DUSP22: variants seen among roughly 807,000 people sequenced by gnomAD.
DUSP22 encodes the protein dual specificity protein phosphatase 22.
A neutral mutation model predicts 24.5 loss-of-function variants in DUSP22; 24 were observed. The ratio of observed to expected loss-of-function variants is 0.98; its 90% CI spans 0.71 to 1.38. The LOEUF is 1.38. Ranked by LOEUF, DUSP22 falls within the 40% of genes most tolerant of loss-of-function variation. DUSP22 has a pLI of 0.00. For synonymous variants in DUSP22, 160 were observed against 106.4 expected, an observed-to-expected ratio of 1.50 and a Z score of -3.10; for missense variants, 330 against 269.2, an observed-to-expected ratio of 1.23 and a Z score of -1.58.
intron 4 of DUSP22, among the ~76,000 whole-genome samples, chr6:342,954 A>G (rs968141855): frequency 8.5e-5 from 13 of 152,418 alleles, no homozygotes; most frequent in African/African-American, 3.1e-4. Flanking sequence ...AGTTGTGCTG[A>G]AGGTGTGGGG....
At chr6:297,396 G>A (rs1181283784) in intron 1 of DUSP22, among the ~76,000 whole-genome samples, 3 of 152,306 alleles carry the variant, frequency 2.0e-5, no homozygotes, top group African/African-American at 7.2e-5. Flanking sequence ...TTTGAGGATG[G>A]CTCTTGCCCT....
Position 348,204 on chromosome 6 carries a change from G to A in DUSP22, c.365G>A (p.Arg122Lys), listed in dbSNP as rs749686789. The change falls in exon 6 of 7, where the codon AGA (arginine) becomes AAA (lysine). Residue 122 changes from arginine to lysine, a missense_variant. Arg to Lys is a conservative substitution (Grantham distance 26, BLOSUM62 2). Coordinates refer to ENST00000419235, the MANE Select transcript of DUSP22 (RefSeq NM_001286555.3). ...GCCCTGCACACCGTGCGTGCTGGGA[G>A]ATCCTGTGCCAACCCCAACGTGGGC... The part of the protein sequence containing the change: ...EDALHTVRAG[R>K]SCANPNVGFQ... 6.2e-7 allele frequency: 1 copy of A among 1,614,314 alleles called. No individual in the cohort carries two copies. Among genetic ancestry groups the A allele is most frequent in the Non-Finnish European group, 8.5e-7 (1 of 1,180,060 alleles).
intron 4 of DUSP22, among the ~76,000 whole-genome samples, chr6:343,658 T>TGTGTGCATGTTTGCGTGTGCATGTTTGC (rs11267680): frequency 0.032 from 4,496 of 138,664 alleles, no homozygotes; most frequent in East Asian, 0.059. Flanking sequence ...GCAGAACATG[T>TGTGTGCATGTTTGCGTGTGCATGTTTGC]GTGTGCATGT....
chr6:317,459 C>G (rs1026791683), intron 3 of DUSP22, among the ~76,000 whole-genome samples: 16 of 152,416 alleles, frequency 1.0e-4, no homozygotes, highest in African/African-American at 3.6e-4. Context: ...CCCACCCTCT[C>G]CTGCTCACAT....
At chr6:298,119 G>C (rs955221195) in intron 1 of DUSP22, among the ~76,000 whole-genome samples, 1 of 152,306 alleles carries the variant, frequency 6.6e-6, no homozygotes, top group Non-Finnish European at 1.5e-5. Flanking sequence ...ACCACCCCCC[G>C]AGGGCTCTCT....
At position 349,096 on chromosome 6, in the gene DUSP22, C is replaced by T. The variant is rs1010525971; in HGVS notation, c.*145C>T. 6.4e-5 allele frequency: 93 copies of T among 1,457,870 alleles called. No individual in the cohort carries two copies. Among genetic ancestry groups the T allele is most frequent in the Middle Eastern group, 2.5e-4 (1 of 3,996 alleles). 90.3% of individuals were successfully genotyped at this position (1,457,870 alleles called of 1,614,324 possible). A position where few individuals can be genotyped will look rare whatever the true frequency, so the allele number is the denominator to read the frequency against. ...GAGGGCTCCTTCCCCCAAGCAACACCGCCCAGCCCTGCTCCAGGCCCCTGC... is the reference window on the plus strand; with the variant it reads ...GAGGGCTCCTTCCCCCAAGCAACACTGCCCAGCCCTGCTCCAGGCCCCTGC... On this transcript the variant is annotated 3_prime_UTR_variant, in exon 7 of 7. Transcript: ENST00000419235.
At chr6:342,233 C>G (rs1239761384) in intron 4 of DUSP22, among the ~76,000 whole-genome samples, 1 of 152,308 alleles carries the variant, frequency 6.6e-6, no homozygotes, top group Non-Finnish European at 1.5e-5. Flanking sequence ...GGTCGTCATT[C>G]ATTTCTAGAT....
At position 317,629 on chromosome 6, in the gene DUSP22, G is replaced by T. The variant is rs533622420; in HGVS notation, c.138+5667G>T. Among the ~76,000 whole-genome samples, 6 of 152,424 alleles carry T rather than the reference G, an allele frequency of 3.9e-5. No individual in the cohort carries two copies. The South Asian group carries it at 1.0e-3, about 26-fold the overall frequency. On this transcript the variant is annotated intron_variant, in intron 3 of 6. Coordinates refer to ENST00000419235, the MANE Select transcript of DUSP22 (RefSeq NM_001286555.3). ...ACACGTGTGCACTGTCCCTGCTTCT[G>T]TAGGATATTAAGCATCCATTTAACC... is the stretch of plus-strand genomic sequence containing the variant.
chr6:344,672 T>C (rs1443065595), intron 4 of DUSP22, among the ~76,000 whole-genome samples: 2 of 152,296 alleles, frequency 1.3e-5, no homozygotes, highest in East Asian at 3.8e-4. Context: ...ACTTTATAAA[T>C]GAGAAGATAA....
In DUSP22 at chr6:351,111, G is replaced by A. The variant is rs1478859246; in HGVS notation, c.*2160G>A. The A allele has an allele frequency of 4.8e-6, 3 of 626,084 alleles. No individual in the cohort carries two copies. Among genetic ancestry groups the A allele is most frequent in the Middle Eastern group, 4.4e-4 (1 of 2,276 alleles). 38.8% of individuals were successfully genotyped at this position (626,084 alleles called of 1,614,324 possible). On this transcript the variant is annotated 3_prime_UTR_variant, in exon 7 of 7. Coordinates refer to ENST00000419235, the MANE Select transcript of DUSP22 (RefSeq NM_001286555.3). ...TGTACCTCGCTTGGATGCCTGTAAG[G>A]ATCCCGGGAGCCTTGCCGCACTGCC...
intron 3 of DUSP22, among the ~76,000 whole-genome samples, chr6:331,552 G>T (rs1202118901): frequency 6.6e-6 from 1 of 152,300 alleles, no homozygotes; most frequent in Non-Finnish European, 1.5e-5. Flanking sequence ...GACCTATTTG[G>T]TGAAACCATC....
chr6:337,171 C>G (rs1759393073), intron 4 of DUSP22: 1 of 152,550 alleles, frequency 6.6e-6, no homozygotes, highest in Non-Finnish European at 1.5e-5. Flanking sequence ...TGGAGTGACC[C>G]CTTGCACTAT....
chr6:329,622 T>C (rs978746891), intron 3 of DUSP22, among the ~76,000 whole-genome samples: 16 of 152,304 alleles, frequency 1.1e-4, no homozygotes, highest in Non-Finnish European at 2.1e-4. Context: ...CTGGCTAATT[T>C]TTGTATTTTT....
chr6:296,276 T>C (rs1313272588), intron 1 of DUSP22, among the ~76,000 whole-genome samples: 1 of 152,298 alleles, frequency 6.6e-6, no homozygotes, highest in Non-Finnish European at 1.5e-5. Context: ...GTTTATGGTG[T>C]GTTTTGAGTA....
chr6:293,149 C>G (rs1346954772), intron 1 of DUSP22, among the ~76,000 whole-genome samples: 3 of 152,286 alleles, frequency 2.0e-5, no homozygotes, highest in African/African-American at 7.2e-5. Flanking sequence ...CAAGGGCAAC[C>G]TGTTGCTGGC....
intron 2 of DUSP22, 75 bp downstream of exon 2, chr6:304,736 G>A: frequency 6.3e-7 from 1 of 1,589,044 alleles, no homozygotes; most frequent in Non-Finnish European, 8.6e-7. Flanking sequence ...ATTTTAAAGT[G>A]TATAGGTCAG....
intron 3 of DUSP22, among the ~76,000 whole-genome samples, chr6:314,236 G>A (rs377505651): frequency 2.2e-3 from 333 of 152,178 alleles, no homozygotes; most frequent in African/African-American, 7.6e-3. Context: ...GAGAGAGCTG[G>A]GCCTCATTTA....
At chr6:323,935 C>A (rs1758727135) in intron 3 of DUSP22, among the ~76,000 whole-genome samples, 1 of 152,304 alleles carries the variant, frequency 6.6e-6, no homozygotes, top group African/African-American at 2.4e-5. Flanking sequence ...TCAGTGAGAG[C>A]AGATGGAGAG....
intron 4 of DUSP22, among the ~76,000 whole-genome samples, chr6:345,637 A>G (rs555195402): frequency 6.6e-6 from 1 of 152,306 alleles, no homozygotes; most frequent in African/African-American, 2.4e-5. Flanking sequence ...GTTTAAAGTG[A>G]TTAAGCATTT....
Sources: allele counts gnomAD v4.1 joint callset (sites outside exome capture counted in the v4.1 genomes callset), GRCh38; gene constraint gnomAD v4.1.1; transcripts MANE v1.5; gene names NCBI Gene and HGNC (gene_info 2026-07-23, HGNC 2026-07-21).